SCARA5: variants seen among roughly 807,000 people sequenced by gnomAD.
SCARA5 encodes scavenger receptor class A member 5, also known as scavenger receptor class A, member 5 (putative).
Under a neutral mutation model 46.3 loss-of-function variants are expected in SCARA5, and 45 were observed. The observed-to-expected ratio is 0.97, with a 90% CI of 0.76 to 1.24. SCARA5 has a LOEUF of 1.24. Ranked by LOEUF, SCARA5 falls within the 50% of genes most tolerant of loss-of-function variation. The pLI, the probability that SCARA5 is intolerant of heterozygous loss-of-function variation, is 0.00. For synonymous variants in SCARA5, 333 were observed against 306.5 expected (o/e 1.09, Z -0.90); for missense variants, 680 against 689.0 (o/e 0.99, Z 0.15).
chr8:27,872,957 C>T (rs981572925), intron 8 of SCARA5, among the ~76,000 whole-genome samples: 2 of 152,216 alleles, frequency 1.3e-5, no homozygotes, highest in African/African-American at 4.8e-5. Flanking sequence ...TCTGCAGTGA[C>T]GTCAACACTG....
chr8:27,904,061 A>C (rs984879755), intron 7 of SCARA5, among the ~76,000 whole-genome samples: 2 of 152,150 alleles, frequency 1.3e-5, no homozygotes, highest in Non-Finnish European at 2.9e-5. Flanking sequence ...ACCTTAGAAG[A>C]GTGGCACAAC....
chr8:27,904,301 T>C (rs1105629), intron 7 of SCARA5: 96,156 of 173,282 alleles, frequency 0.55, 27,552 homozygotes, highest in Non-Finnish European at 0.62. Flanking sequence ...CAAGCACCTC[T>C]GATGATTTTA....
chr8:27,883,776 T>A (rs1806847796), intron 7 of SCARA5, among the ~76,000 whole-genome samples: 1 of 152,184 alleles, frequency 6.6e-6, no homozygotes, highest in African/African-American at 2.4e-5. Flanking sequence ...TGGAACCCAG[T>A]GACAAGTGGG....
intron 4 of SCARA5, among the ~76,000 whole-genome samples, chr8:27,912,535 A>C (rs1807394475): frequency 1.3e-5 from 2 of 152,266 alleles, no homozygotes; most frequent in Admixed American, 1.3e-4. Flanking sequence ...GGGCGGAGTC[A>C]GGAAGCAAAT....
chr8:27,989,549 C>T (rs1015321680), intron 1 of SCARA5, among the ~76,000 whole-genome samples: 1 of 152,314 alleles, frequency 6.6e-6, no homozygotes, highest in Admixed American at 6.5e-5. Context: ...GAGGGCTGGA[C>T]GCCTCTGCTG....
At chr8:27,938,679 G>A (rs1387953963) in intron 3 of SCARA5, among the ~76,000 whole-genome samples, 1 of 152,190 alleles carries the variant, frequency 6.6e-6, no homozygotes, top group South Asian at 2.1e-4. Context: ...GCGTGAGGCT[G>A]CTCTTCTACA....
rs765347213 is a variant in SCARA5 at position 27,921,598 on chromosome 8, C to A, written c.889G>T (p.Ala297Ser). 3.2e-6 allele frequency: 5 copies of A among 1,581,190 alleles called. No individual in the cohort carries two copies. The highest frequency in any genetic ancestry group is 2.3e-5 in the East Asian group (1 of 43,370). Residue 297 changes from alanine (A) to serine (S), a missense_variant, in exon 4 of 9, where the codon GCA becomes TCA. Ala to Ser is a moderately conservative substitution (Grantham distance 99). Around this residue, in one of 3 missense-constraint regions of SCARA5, gnomAD observed 438 missense variants for 384.5 expected, o/e 1.14. Coordinates refer to ENST00000354914, the MANE Select transcript of SCARA5 (RefSeq NM_173833.6). ...LRLKDWEHSI[A>S]LRNISLAKGP... ...TTCGCGAGGGAGATGTTCCGCAGTG[C>A]GATGGAGTGCTCCCAGTCCTTGAGG... is the stretch of plus-strand genomic sequence containing the variant.
intron 2 of SCARA5, among the ~76,000 whole-genome samples, chr8:27,975,852 T>G (rs1483305112): frequency 1.3e-5 from 2 of 152,002 alleles, no homozygotes; most frequent in Non-Finnish European, 2.9e-5. Context: ...CACCCAAGCC[T>G]TTCACACCCA....
intron 3 of SCARA5, among the ~76,000 whole-genome samples, chr8:27,929,548 C>T (rs1287283057): frequency 6.6e-6 from 1 of 152,080 alleles, no homozygotes; most frequent in East Asian, 1.9e-4. Context: ...GCTGACTAAC[C>T]TGGGAGGTAG....
chr8:27,909,547 G>T, intron 5 of SCARA5, 116 bp downstream of exon 5: 1 of 673,648 alleles, frequency 1.5e-6, no homozygotes. Context: ...AGCGTTTGAG[G>T]CGGAGTTGAT....
intron 3 of SCARA5, among the ~76,000 whole-genome samples, chr8:27,950,383 C>T (rs1216777167): frequency 6.7e-6 from 1 of 148,208 alleles, no homozygotes; most frequent in African/African-American, 2.5e-5. Flanking sequence ...CTCGAGCAGA[C>T]CCTTTCCACA....
At chr8:27,902,957 AT>A (rs1490316135) in intron 7 of SCARA5, among the ~76,000 whole-genome samples, 1 of 152,122 alleles carries the variant, frequency 6.6e-6, no homozygotes, top group Non-Finnish European at 1.5e-5. Flanking sequence ...CAGCCTGGGC[AT>A]TTCCTTGTTT....
intron 3 of SCARA5, among the ~76,000 whole-genome samples, chr8:27,926,869 A>G (rs1346484044): frequency 6.6e-6 from 1 of 152,154 alleles, no homozygotes; most frequent in East Asian, 1.9e-4. Flanking sequence ...TTGGAGAATA[A>G]AAAGCCTGAT....
chr8:27,879,482 G>T, intron 8 of SCARA5, 87 bp downstream of exon 8: 1 of 1,337,702 alleles, frequency 7.5e-7, no homozygotes, highest in African/African-American at 1.4e-5. Context: ...CGGAATTGCA[G>T]TGGAAGGGAC....
In SCARA5 at chr8:27,936,592, T is replaced by TAAAAAAA. The variant is rs71222526; in HGVS notation, c.242-14354_242-14348dup. On this transcript the variant is annotated intron_variant, in intron 3 of 8. Coordinates refer to ENST00000354914, the MANE Select transcript of SCARA5 (RefSeq NM_173833.6). Reference sequence around the variant, plus strand: ...TGAGAGAGAAAGACTGTGTCTCCATTAAAAAAAAAAAAAAAAAAAGGTGGG... The same window carrying TAAAAAAA: ...TGAGAGAGAAAGACTGTGTCTCCATTAAAAAAAAAAAAAAAAAAAAAAAAAAGGTGGG... 2.0e-3 allele frequency among the ~76,000 whole-genome samples: 64 copies of TAAAAAAA among 31,314 alleles called. 5 individuals are homozygous for TAAAAAAA. Among genetic ancestry groups the TAAAAAAA allele is most frequent in the African/African-American group, 5.9e-3 (55 of 9,374 alleles). 20.5% of individuals were successfully genotyped at this position (31,314 alleles called of 152,430 possible). A position where few individuals can be genotyped will look rare whatever the true frequency, so the allele number is the denominator to read the frequency against.
chr8:27,921,965 C>T lies in SCARA5; in HGVS notation c.522G>A (p.Thr174=), dbSNP rs759024218. Residue 174 remains threonine (T), a synonymous_variant, in exon 4 of 9, where the codon ACG becomes ACA. Transcript: ENST00000354914. ...GCTGCGCCGTGTCGCTCTGCTGGCC[C>T]GTGCGGTCCCGCAGCAGGGCCACCG... is the stretch of plus-strand genomic sequence containing the variant. ...EQAVALLRDR[T]GQQSDTAQLE... is the part of the protein sequence containing the mutation. 5.2e-6 allele frequency: 8 copies of T among 1,540,838 alleles called. No individual in the cohort carries two copies. Among genetic ancestry groups the T allele is most frequent in the Admixed American group, 3.8e-5 (2 of 52,452 alleles).
chr8:27,948,494 G>A (rs1353388437), intron 3 of SCARA5, among the ~76,000 whole-genome samples: 1 of 151,900 alleles, frequency 6.6e-6, no homozygotes, highest in Non-Finnish European at 1.5e-5. Flanking sequence ...CCTGGGGCTG[G>A]GCCGTTCCAC....
intron 7 of SCARA5, among the ~76,000 whole-genome samples, chr8:27,882,496 T>C (rs1311809178): frequency 1.3e-5 from 2 of 152,046 alleles, no homozygotes; most frequent in Admixed American, 1.3e-4. Flanking sequence ...GTAGGAGAAA[T>C]AGGAAGCCAA....
At chr8:27,895,178 T>C (rs972145821) in intron 7 of SCARA5, among the ~76,000 whole-genome samples, 1 of 152,100 alleles carries the variant, frequency 6.6e-6, no homozygotes, top group Non-Finnish European at 1.5e-5. Flanking sequence ...GCTGGGAATA[T>C]AGGCTCTGAT....
Sources: allele counts gnomAD v4.1 joint callset (sites outside exome capture counted in the v4.1 genomes callset), GRCh38; gene constraint gnomAD v4.1.1; regional missense constraint gnomAD v4.1.1; transcripts MANE v1.5; gene names NCBI Gene and HGNC (gene_info 2026-07-23, HGNC 2026-07-21).